The following MED4 variants were observed in gnomAD, a reference collection of about 807,000 sequenced individuals.
The protein encoded by MED4 is mediator of RNA polymerase II transcription subunit 4.
A neutral mutation model predicts 35.0 loss-of-function variants in MED4; 21 were observed. The ratio of observed to expected loss-of-function variants is 0.60; its 90% confidence interval spans 0.43 to 0.86. The LOEUF (loss-of-function observed/expected upper bound fraction) is 0.86, where lower values mean the gene tolerates loss of function less well. Ranked by LOEUF, MED4 falls within the 40% of genes least tolerant of loss-of-function variation. The pLI, the probability that MED4 is intolerant of heterozygous loss-of-function variation, is 0.00. For missense variants in MED4, 300 were observed against 319.4 expected (o/e 0.94, Z 0.46); for synonymous variants, 138 against 114.0 (o/e 1.21, Z -1.34).
At chr13:48,086,809 G>T (rs913118504) in intron 2 of MED4, among the ~76,000 whole-genome samples, 2 of 152,264 alleles carry the variant, frequency 1.3e-5, no homozygotes, top group African/African-American at 4.8e-5. Flanking sequence ...CAGAACTTTG[G>T]GAGGCTGATG....
rs187800491 is a variant in MED4 at position 48,086,673 on chromosome 13, C to A, written c.193-221G>T. ...TTTTCAGATATTCTTTCATACAAAA[C>A]AAAATAAAACTAGCCTTTCAGAACT... On this transcript the variant is annotated intron_variant, in intron 2 of 6. Transcript: ENST00000258648. Among the ~76,000 whole-genome samples, 81 of 152,194 alleles carry A rather than the reference C, an allele frequency of 5.3e-4. 1 individual carries two copies. The highest frequency in any genetic ancestry group is 8.8e-5 in the Non-Finnish European group (6 of 67,984).
intron 5 of MED4, among the ~76,000 whole-genome samples, chr13:48,081,408 AATTT>A (rs1247975462): frequency 1.3e-5 from 2 of 152,216 alleles, no homozygotes; most frequent in Non-Finnish European, 2.9e-5. Flanking sequence ...AAAAATTATC[AATTT>A]ATTATTTCAA....
intron 1 of MED4, among the ~76,000 whole-genome samples, chr13:48,090,629 A>G (rs905094416): frequency 2.0e-5 from 3 of 152,252 alleles, no homozygotes; most frequent in Non-Finnish European, 4.4e-5. Context: ...TTGTGAATAG[A>G]GAGAGTTCTT....
rs757285976 is a variant in MED4, at chr13:48,094,986, C to T, written c.93G>A (p.Leu31=). ...GGACCTCCAAGTCCTCAAGCGCAGA[C>T]AGCAGCCGCTCTCGTGTGCTGTTAC... ...AGGNSTRERL[L]SALEDLEVLS... is the part of the protein sequence containing the mutation. The change falls in exon 1 of 7, where the codon CTG becomes CTA. Residue 31 remains leucine, a synonymous_variant. Transcript: ENST00000258648. 1.2e-6 allele frequency: 2 copies of T among 1,604,172 alleles called. No individual in the cohort carries two copies. The highest frequency in any genetic ancestry group is 2.2e-5 in the East Asian group (1 of 44,858).
At chr13:48,094,890 C>T (rs1175421047) in intron 1 of MED4, 64 bp downstream of exon 1, 3 of 1,579,478 alleles carry the variant, frequency 1.9e-6, no homozygotes, top group African/African-American at 2.7e-5. Flanking sequence ...AACGCAGGGC[C>T]GGCCGGCTCC....
At chr13:48,089,452 C>A (rs1011835650) in intron 2 of MED4, among the ~76,000 whole-genome samples, 8 of 151,976 alleles carry the variant, frequency 5.3e-5, no homozygotes, top group Non-Finnish European at 1.2e-4. Flanking sequence ...TTTTTTTTGG[C>A]CAGCTATGGT....
chr13:48,079,761 C>T lies in MED4; in HGVS notation c.640+83G>A, dbSNP rs910803841. ...AAAAAATTGTGTCGGGAATCTCAAACTTGCTTTACCGCCAGATATTCCAAC... is the reference window on the plus strand; with the variant it reads ...AAAAAATTGTGTCGGGAATCTCAAATTTGCTTTACCGCCAGATATTCCAAC... On this transcript the variant is annotated intron_variant, in intron 6 of 6. Coordinates refer to ENST00000258648, the MANE Select transcript of MED4 (RefSeq NM_014166.4). The T allele has an allele frequency of 1.6e-5, 24 of 1,475,598 alleles. 1 individual carries two copies. The South Asian group carries it at 2.7e-4, about 16-fold the overall frequency. 91.4% of individuals were successfully genotyped at this position (1,475,598 alleles called of 1,614,324 possible).
intron 1 of MED4, among the ~76,000 whole-genome samples, chr13:48,092,401 T>A (rs926282491): frequency 3.9e-5 from 6 of 152,318 alleles, no homozygotes; most frequent in South Asian, 4.1e-4. Context: ...CATGAGCCAC[T>A]GCGCCCGGCC....
Position 48,076,484 on chromosome 13 carries a change from T to C in MED4, c.*655A>G, listed in dbSNP as rs1457034667. The C allele has an allele frequency of 1.3e-5, 2 of 152,204 alleles. No individual in the cohort carries two copies. The highest frequency in any genetic ancestry group is 2.9e-5 in the Non-Finnish European group (2 of 68,018). 9.4% of individuals were successfully genotyped at this position (152,204 alleles called of 1,614,324 possible). On this transcript the variant is annotated 3_prime_UTR_variant, in exon 7 of 7. Transcript: ENST00000258648. ...CCTATTAATTGTAATAGGTTTCAAT[T>C]CAGTTAGTCACTCAAGTATTATAAA...
chr13:48,078,905 A>G (rs547065585), intron 6 of MED4, among the ~76,000 whole-genome samples: 1 of 152,318 alleles, frequency 6.6e-6, no homozygotes, highest in South Asian at 2.1e-4. Flanking sequence ...AAAAATGTAT[A>G]GGGGAAAAAA....
intron 6 of MED4, among the ~76,000 whole-genome samples, chr13:48,078,786 G>A (rs1435088205): frequency 2.6e-5 from 4 of 152,026 alleles, no homozygotes; most frequent in African/African-American, 9.7e-5. Flanking sequence ...TGATATCCAA[G>A]GATATCACAG....
At chr13:48,085,683 T>C (rs1566119148) in intron 3 of MED4, among the ~76,000 whole-genome samples, 2 of 152,172 alleles carry the variant, frequency 1.3e-5, no homozygotes, top group South Asian at 2.1e-4. Context: ...ATTTCTGCAA[T>C]ACTATCATGT....
In MED4 at chr13:48,086,307, T is replaced by C. The variant is rs919647928; in HGVS notation, c.338A>G (p.Gln113Arg). 2 of 1,613,772 alleles carry C rather than the reference T, an allele frequency of 1.2e-6. No individual in the cohort carries two copies. Among genetic ancestry groups the C allele is most frequent in the Non-Finnish European group, 1.7e-6 (2 of 1,179,944 alleles). Residue 113 changes from glutamine to arginine, a missense_variant, in exon 3 of 7, where the codon CAG becomes CGG. Transcript: ENST00000258648. ...CAGTATTTGTTCTGCTTCCTTTAGCTGTTTTTGTAGCTGCTGAATATCACT... is the reference window on the plus strand; with the variant it reads ...CAGTATTTGTTCTGCTTCCTTTAGCCGTTTTTGTAGCTGCTGAATATCACT... ...RDSDIQQLQKQLKEAEQILAT... is the reference protein window; with the variant it reads ...RDSDIQQLQKRLKEAEQILAT...
At chr13:48,077,462 G>T in intron 6 of MED4, 151 bp from the exon 7 acceptor site, 1 of 614,994 alleles carries the variant, frequency 1.6e-6, no homozygotes, top group Non-Finnish European at 2.5e-6. Flanking sequence ...TGTCACCCAG[G>T]CTTGAGTGCA....
At chr13:48,083,472 A>G (rs2137832626) in intron 3 of MED4, 44 bp from the exon 4 acceptor site, 1 of 1,539,374 alleles carries the variant, frequency 6.5e-7, no homozygotes, top group Non-Finnish European at 8.9e-7. Context: ...TTCTTCAACT[A>G]TATCAAACTT....
At chr13:48,087,644 G>A (rs1950860959) in intron 2 of MED4, among the ~76,000 whole-genome samples, 1 of 152,140 alleles carries the variant, frequency 6.6e-6, no homozygotes. Context: ...AAGGTCAGGA[G>A]TTTGAGACCA....
chr13:48,081,024 T>C (rs1016531257), intron 5 of MED4, among the ~76,000 whole-genome samples: 1 of 152,246 alleles, frequency 6.6e-6, no homozygotes, highest in Admixed American at 6.5e-5. Flanking sequence ...TAGTCACCCT[T>C]AGTGCTTTCA....
At chr13:48,084,099 A>G (rs2137833230) in intron 3 of MED4, among the ~76,000 whole-genome samples, 1 of 152,212 alleles carries the variant, frequency 6.6e-6, no homozygotes, top group South Asian at 2.1e-4. Context: ...CATCTCTACT[A>G]AAAATACAAA....
intron 4 of MED4, among the ~76,000 whole-genome samples, chr13:48,082,897 A>G (rs540606912): frequency 2.0e-5 from 3 of 152,120 alleles, no homozygotes; most frequent in African/African-American, 7.2e-5. Flanking sequence ...GCAGGAAGGC[A>G]TGTGGGCCTC....
Sources: allele counts gnomAD v4.1 joint callset (sites outside exome capture counted in the v4.1 genomes callset), GRCh38; gene constraint gnomAD v4.1.1; transcripts MANE v1.5; gene names NCBI Gene and HGNC (gene_info 2026-07-23, HGNC 2026-07-21).